Variants in TENM3 observed in about 807,000 individuals in gnomAD.
The protein encoded by TENM3 is teneurin-3.
A neutral mutation model predicts 255.1 loss-of-function variants in TENM3; 63 were observed. The observed-to-expected ratio is 0.25, with a 90% confidence interval of 0.20 to 0.30. TENM3 has a LOEUF of 0.30. Among genes scored for constraint, TENM3 ranks in the 10% least tolerant of loss-of-function variants. The probability of loss-of-function intolerance (pLI) is 1.00; values close to 1 mark genes in which losing one functional copy is unlikely to be tolerated. For missense variants in TENM3, 2,929 were observed against 3,461.1 expected (o/e 0.85, Z 3.86); for synonymous variants, 1,306 against 1,322.3 (o/e 0.99, Z 0.27).
At chr4:181,802,658 T>C in the TENM3 span, among the ~76,000 whole-genome samples, 4 of 152,240 alleles carry the variant, frequency 2.6e-5, no homozygotes, top group Non-Finnish European at 5.9e-5. Flanking sequence ...AGTGAGGCAC[T>C]CACATTTTGT....
chr4:181,629,421 C>T, the TENM3 span, among the ~76,000 whole-genome samples: 1 of 152,144 alleles, frequency 6.6e-6, no homozygotes, highest in Non-Finnish European at 1.5e-5. Context: ...TGCCAGTTTT[C>T]AAAGGGAATG....
At chr4:182,030,206 G>C in the TENM3 span, among the ~76,000 whole-genome samples, 33 of 152,098 alleles carry the variant, frequency 2.2e-4, no homozygotes, top group South Asian at 6.2e-3. Flanking sequence ...GCATGCATTA[G>C]CTATTTTTCC....
the TENM3 span, among the ~76,000 whole-genome samples, chr4:181,637,814 T>C: frequency 6.6e-6 from 1 of 152,230 alleles, no homozygotes; most frequent in East Asian, 1.9e-4. Flanking sequence ...CCGTGAGACA[T>C]GCATTTTTGT....
At chr4:182,272,769 G>A (rs1185942537) in intron 1 of TENM3, among the ~76,000 whole-genome samples, 1 of 152,180 alleles carries the variant, frequency 6.6e-6, no homozygotes, top group East Asian at 1.9e-4. Context: ...GAAGAGAAAA[G>A]TCAGTGTGCA....
chr4:182,275,921 C>G (rs564922057), intron 1 of TENM3, among the ~76,000 whole-genome samples: 1 of 152,250 alleles, frequency 6.6e-6, no homozygotes, highest in African/African-American at 2.4e-5. Flanking sequence ...AGCCTGGCAA[C>G]AGAGCAAGAC....
At chr4:182,025,174 G>A in the TENM3 span, among the ~76,000 whole-genome samples, 80 of 152,044 alleles carry the variant, frequency 5.3e-4, no homozygotes, top group African/African-American at 1.8e-3. Context: ...GACTACAGGC[G>A]CCCACCACCA....
At chr4:182,744,246 A>G (rs1761842558) in intron 19 of TENM3, 2 of 833,504 alleles carry the variant, frequency 2.4e-6, no homozygotes, top group Non-Finnish European at 2.9e-6. Context: ...TTGTTTTCTA[A>G]GAATATTTCA....
intron 22 of TENM3, 60 bp downstream of exon 22, chr4:182,755,319 T>A: frequency 7.7e-7 from 1 of 1,294,786 alleles, no homozygotes; most frequent in Non-Finnish European, 1.0e-6. Context: ...ATATCATCTA[T>A]AATAACAATA....
At chr4:182,491,789 T>C (rs2309731) in intron 3 of TENM3, among the ~76,000 whole-genome samples, 53,669 of 152,076 alleles carry the variant, frequency 0.35, 10,686 homozygotes, top group Non-Finnish European at 0.44. Context: ...TGCAATAGTA[T>C]TGCATTACAC....
rs559167182 is a variant in TENM3, at chr4:182,439,341, G to T, written c.511+92412G>T. Among the ~76,000 whole-genome samples, 40 of 152,282 alleles carry T rather than the reference G, an allele frequency of 2.6e-4. 1 individual carries two copies. The Middle Eastern group carries it at 0.017, about 65-fold the overall frequency. ...CTATGATTTCCCTTAAGCTGCTGAA[G>T]TTGCCCCTAGCAAGACCCTAAGCAC... On this transcript the variant is annotated intron_variant, in intron 3 of 27. Coordinates refer to ENST00000511685, the MANE Select transcript of TENM3 (RefSeq NM_001080477.4).
chr4:182,172,942 A>G (rs571600352), intron 1 of TENM3, among the ~76,000 whole-genome samples: 9 of 152,328 alleles, frequency 5.9e-5, no homozygotes, highest in Admixed American at 4.6e-4. Flanking sequence ...TTTCTTACAT[A>G]CCAACATGAA....
intron 4 of TENM3, among the ~76,000 whole-genome samples, chr4:182,612,062 G>T (rs1749045940): frequency 6.6e-6 from 1 of 151,974 alleles, no homozygotes; most frequent in Non-Finnish European, 1.5e-5. Context: ...GAAGTCAGGA[G>T]TTTGAGACCA....
the TENM3 span, among the ~76,000 whole-genome samples, chr4:181,516,208 G>C: frequency 6.6e-6 from 1 of 151,936 alleles, no homozygotes; most frequent in Non-Finnish European, 1.5e-5. Flanking sequence ...CCTGTTGGGG[G>C]TTGGGGTCAG....
At chr4:181,642,374 C>G in the TENM3 span, among the ~76,000 whole-genome samples, 1 of 152,052 alleles carries the variant, frequency 6.6e-6, no homozygotes, top group Non-Finnish European at 1.5e-5. Context: ...GATGTTATCC[C>G]TTTGTCAGTT....
the TENM3 span, among the ~76,000 whole-genome samples, chr4:181,508,180 G>A: frequency 6.6e-6 from 1 of 152,208 alleles, no homozygotes; most frequent in East Asian, 1.9e-4. Context: ...GCAGAGTGGA[G>A]TTGCAGGCAC....
At chr4:181,993,924 C>T in the TENM3 span, among the ~76,000 whole-genome samples, 1 of 152,070 alleles carries the variant, frequency 6.6e-6, no homozygotes, top group African/African-American at 2.4e-5. Context: ...CCAGATGAAA[C>T]TTAGAAGACT....
the TENM3 span, among the ~76,000 whole-genome samples, chr4:181,973,599 T>A: frequency 1.3e-5 from 2 of 151,772 alleles, no homozygotes; most frequent in African/African-American, 4.8e-5. Flanking sequence ...AGAAAAAAAA[T>A]AAATAAGACT....
At chr4:182,046,279 T>C in the TENM3 span, among the ~76,000 whole-genome samples, 4 of 152,086 alleles carry the variant, frequency 2.6e-5, no homozygotes, top group Admixed American at 6.6e-5. Context: ...TTCTTACAAA[T>C]TGGAAATATT....
the TENM3 span, among the ~76,000 whole-genome samples, chr4:181,565,082 T>G: frequency 6.6e-6 from 1 of 152,248 alleles, no homozygotes; most frequent in South Asian, 2.1e-4. Flanking sequence ...ATATGTCACT[T>G]TGTAACAAGA....
Sources: allele counts gnomAD v4.1 joint callset (sites outside exome capture counted in the v4.1 genomes callset), GRCh38; gene constraint gnomAD v4.1.1; transcripts MANE v1.5; gene names NCBI Gene and HGNC (gene_info 2026-07-23, HGNC 2026-07-21).